The following STARD13 variants were observed in gnomAD, a reference collection of about 807,000 sequenced individuals.
The protein encoded by STARD13 is stAR-related lipid transfer protein 13.
STARD13 carries 62 observed loss-of-function variants against 106.4 expected under a neutral mutation model. The ratio of observed to expected loss-of-function variants is 0.58; its 90% CI spans 0.48 to 0.72. STARD13 has a LOEUF of 0.72. Ranked by LOEUF, STARD13 falls within the 30% of genes least tolerant of loss-of-function variation. The pLI, the probability that STARD13 is intolerant of heterozygous loss-of-function variation, is 0.00. For synonymous variants in STARD13, 565 were observed against 553.0 expected, an observed-to-expected ratio of 1.02 and a Z score of -0.31; for missense variants, 1,387 against 1,424.0, an observed-to-expected ratio of 0.97 and a Z score of 0.42.
chr13:33,670,121 T>C, the STARD13 span, among the ~76,000 whole-genome samples: 1 of 152,178 alleles, frequency 6.6e-6, no homozygotes, highest in Non-Finnish European at 1.5e-5. Context: ...GGATTACATA[T>C]GTATTCACAA....
At chr13:33,125,956 G>A (rs903930424) in intron 7 of STARD13, 125 bp downstream of exon 7, 2 of 853,752 alleles carry the variant, frequency 2.3e-6, no homozygotes, top group Non-Finnish European at 3.6e-6. Context: ...AGGTCACAAT[G>A]CCTTTTATTT....
the STARD13 span, among the ~76,000 whole-genome samples, chr13:33,434,268 G>T: frequency 6.1e-5 from 9 of 146,996 alleles, no homozygotes; most frequent in South Asian, 2.1e-4. Context: ...CAGAAGAATC[G>T]CTTGAACCCA....
At chr13:33,478,373 A>G in the STARD13 span, among the ~76,000 whole-genome samples, 1 of 152,190 alleles carries the variant, frequency 6.6e-6, no homozygotes, top group Non-Finnish European at 1.5e-5. Flanking sequence ...TAAAATTACT[A>G]TTGAGGACCT....
chr13:33,266,751 A>G (rs1004266763), intron 1 of STARD13, among the ~76,000 whole-genome samples: 16 of 152,220 alleles, frequency 1.1e-4, no homozygotes, highest in African/African-American at 3.6e-4. Flanking sequence ...GTCAGTCACT[A>G]AGCCATACGC....
chr13:33,642,223 G>A, the STARD13 span, among the ~76,000 whole-genome samples: 2 of 152,304 alleles, frequency 1.3e-5, no homozygotes, highest in South Asian at 2.1e-4. Flanking sequence ...GGTAAAGCTT[G>A]GGAGGTAGGG....
chr13:33,109,208 C>T lies in STARD13; in HGVS notation c.3047+665G>A, dbSNP rs139988362. Among the ~76,000 whole-genome samples the T allele has an allele frequency of 1.5e-3, 227 of 152,284 alleles. 1 individual carries two copies. Among genetic ancestry groups the T allele is most frequent in the African/African-American group, 5.2e-3 (215 of 41,568 alleles). On this transcript the variant is annotated intron_variant, in intron 12 of 13. Transcript: ENST00000336934. ...CCTTCTATTCAGGTTCTTTAGCACC[C>T]TCAATTTCTGTTCTGGCTGATGCAA...
At chr13:33,465,602 A>G in the STARD13 span, among the ~76,000 whole-genome samples, 1 of 152,150 alleles carries the variant, frequency 6.6e-6, no homozygotes, top group Non-Finnish European at 1.5e-5. Flanking sequence ...TTCCCATGGC[A>G]TTCAGGATGG....
At chr13:33,447,113 GGA>G in the STARD13 span, among the ~76,000 whole-genome samples, 1 of 152,230 alleles carries the variant, frequency 6.6e-6, no homozygotes, top group Admixed American at 6.5e-5. Flanking sequence ...GACTTTTTCT[GGA>G]TCCAGTTTAG....
intron 1 of STARD13, among the ~76,000 whole-genome samples, chr13:33,297,006 C>T (rs556987071): frequency 2.0e-5 from 3 of 152,236 alleles, no homozygotes; most frequent in Admixed American, 6.5e-5. Flanking sequence ...AGCATAATGT[C>T]CTCCAGGTTC....
rs762555740 is a variant in STARD13 at position 33,130,220 on chromosome 13, A to G, written c.457T>C (p.Trp153Arg). ...GTGTAGAGGTCGTCCACACGAGACC[A>G]CCTGCGACTGGTTCTTTGGAAAGTC... ...KWTFQRTSRRWSRVDDLYTLL... is the reference protein window; with the variant it reads ...KWTFQRTSRRRSRVDDLYTLL... Residue 153 changes from tryptophan (W) to arginine (R), a missense_variant, in exon 5 of 14, where the codon TGG becomes CGG. Physicochemically the swap from Trp to Arg is moderately radical, Grantham distance 101. Transcript: ENST00000336934. The surrounding 1 kb of genome is among the most constrained non-coding windows in gnomAD (Gnocchi z 4.1). The G allele has an allele frequency of 2.5e-6, 4 of 1,610,738 alleles. No individual in the cohort carries two copies. In the African/African-American group the frequency reaches 5.3e-5, roughly 22 times the overall value.
chr13:33,669,464 C>T, the STARD13 span, among the ~76,000 whole-genome samples: 13 of 151,882 alleles, frequency 8.6e-5, no homozygotes, highest in East Asian at 3.9e-4. Flanking sequence ...GGACTTCCAC[C>T]GCTTGCTCAC....
chr13:33,512,125 T>C, the STARD13 span, among the ~76,000 whole-genome samples: 1 of 152,176 alleles, frequency 6.6e-6, no homozygotes, highest in Non-Finnish European at 1.5e-5. Flanking sequence ...GTGGGTGGCA[T>C]GTCCCTTAAG....
the STARD13 span, among the ~76,000 whole-genome samples, chr13:33,674,349 C>A: frequency 7.2e-5 from 11 of 152,126 alleles, no homozygotes; most frequent in Admixed American, 1.3e-4. Flanking sequence ...ATTTCTTCAG[C>A]CTTTCATTCA....
the STARD13 span, among the ~76,000 whole-genome samples, chr13:33,643,167 A>T: frequency 7.7e-6 from 1 of 130,470 alleles, no homozygotes; most frequent in Non-Finnish European, 1.5e-5. Flanking sequence ...ATGCACACAC[A>T]CACACACACA....
At chr13:33,569,361 T>C in the STARD13 span, among the ~76,000 whole-genome samples, 2 of 147,690 alleles carry the variant, frequency 1.4e-5, no homozygotes, top group African/African-American at 2.5e-5. Flanking sequence ...CATGAAGACC[T>C]TATGTAAATT....
At chr13:33,308,681 G>A (rs565544057) in intron 1 of STARD13, among the ~76,000 whole-genome samples, 34 of 151,678 alleles carry the variant, frequency 2.2e-4, no homozygotes, top group African/African-American at 8.2e-4. Flanking sequence ...CCACCACCAC[G>A]TCCAGCTAAT....
the STARD13 span, among the ~76,000 whole-genome samples, chr13:33,362,253 G>A: frequency 6.6e-6 from 1 of 152,106 alleles, no homozygotes. Flanking sequence ...CATGGCAAGA[G>A]CAAGAGCAAG....
In STARD13 at chr13:33,266,358, T is replaced by A. The variant is rs57576905; in HGVS notation, c.169+19112A>T. On this transcript the variant is annotated intron_variant, in intron 1 of 13. Coordinates refer to ENST00000336934, the MANE Select transcript of STARD13 (RefSeq NM_178006.4). ...ACGATGACTATATCTTTACATTCAG[T>A]CTGGCCACTTCAAACCCATGTTTAT... Among the ~76,000 whole-genome samples the A allele has an allele frequency of 6.2e-3, 942 of 152,338 alleles. 14 individuals are homozygous for A. Among genetic ancestry groups the A allele is most frequent in the African/African-American group, 0.021 (882 of 41,566 alleles).
At chr13:33,173,445 A>T (rs1200748561) in intron 1 of STARD13, among the ~76,000 whole-genome samples, 1 of 152,222 alleles carries the variant, frequency 6.6e-6, no homozygotes, top group Non-Finnish European at 1.5e-5. Context: ...TCCTGCCAGG[A>T]GGGCTTTATA....
Sources: allele counts gnomAD v4.1 joint callset (sites outside exome capture counted in the v4.1 genomes callset), GRCh38; gene constraint gnomAD v4.1.1; non-coding constraint Gnocchi (gnomAD v3.1); transcripts MANE v1.5; gene names NCBI Gene and HGNC (gene_info 2026-07-23, HGNC 2026-07-21).